The following CSMD3 variants were observed in gnomAD, a reference collection of about 807,000 sequenced individuals.
CSMD3 encodes the protein CUB and Sushi multiple domains 3.
In CSMD3, 177 loss-of-function variants were observed where a neutral mutation model predicts 435.2. The ratio of observed to expected loss-of-function variants is 0.41; its 90% CI spans 0.36 to 0.46. The LOEUF (loss-of-function observed/expected upper bound fraction) is 0.46, where lower values mean the gene tolerates loss of function less well. CSMD3 is among the 20% of genes least tolerant of loss of function. The probability of loss-of-function intolerance (pLI) is 0.34; values close to 1 mark genes in which losing one functional copy is unlikely to be tolerated. For synonymous variants in CSMD3, 1,656 were observed against 1,520.5 expected (o/e 1.09, Z -2.07); for missense variants, 4,265 against 4,504.6 (o/e 0.95, Z 1.52).
intron 1 of CSMD3, among the ~76,000 whole-genome samples, chr8:113,372,401 G>T (rs2094351324): frequency 6.6e-6 from 1 of 152,072 alleles, no homozygotes; most frequent in African/African-American, 2.4e-5. Flanking sequence ...AATATTTTGG[G>T]CTTTGATTTC....
intron 45 of CSMD3, among the ~76,000 whole-genome samples, chr8:112,334,607 G>A (rs942595958): frequency 6.6e-6 from 1 of 152,054 alleles, no homozygotes; most frequent in Non-Finnish European, 1.5e-5. Context: ...ATAAAAGGAT[G>A]TAATCATTAT....
intron 13 of CSMD3, among the ~76,000 whole-genome samples, chr8:112,699,295 G>A (rs376121087): frequency 6.7e-4 from 102 of 152,146 alleles, no homozygotes; most frequent in African/African-American, 2.1e-3. Flanking sequence ...AAGAAACTCC[G>A]GACACGTCTG....
intron 10 of CSMD3, among the ~76,000 whole-genome samples, chr8:112,908,870 T>G (rs1247198853): frequency 6.6e-6 from 1 of 151,668 alleles, no homozygotes; most frequent in East Asian, 2.0e-4. Flanking sequence ...AAAAATAACC[T>G]GTGTCCTCCT....
At chr8:112,322,948 T>C in intron 45 of CSMD3, among the ~76,000 whole-genome samples, 1 of 152,044 alleles carries the variant, frequency 6.6e-6, no homozygotes, top group East Asian at 1.9e-4. Flanking sequence ...GAATGTAGGT[T>C]TCTTCAAGAG....
At chr8:112,658,748 A>C (rs1433770490) in intron 17 of CSMD3, among the ~76,000 whole-genome samples, 2 of 152,240 alleles carry the variant, frequency 1.3e-5, no homozygotes, top group African/African-American at 4.8e-5. Context: ...ACCTGAAGTC[A>C]GAAGTTTGAG....
chr8:112,771,353 A>G (rs1158175334), intron 13 of CSMD3, among the ~76,000 whole-genome samples: 1 of 152,028 alleles, frequency 6.6e-6, no homozygotes, highest in Non-Finnish European at 1.5e-5. Context: ...AGCCTGGCCA[A>G]TGTGGCAAAA....
chr8:112,978,755 T>G (rs1418490440), intron 6 of CSMD3, among the ~76,000 whole-genome samples: 1 of 151,954 alleles, frequency 6.6e-6, no homozygotes, highest in Non-Finnish European at 1.5e-5. Context: ...TGTGTTCATA[T>G]TCTTTCCACA....
At chr8:112,958,190 G>C (rs1250122846) in intron 7 of CSMD3, among the ~76,000 whole-genome samples, 2 of 152,116 alleles carry the variant, frequency 1.3e-5, no homozygotes, top group African/African-American at 2.4e-5. Flanking sequence ...ATCTCAAGAT[G>C]AAATACAGAA....
In CSMD3 at chr8:112,302,021, T is replaced by C. The variant is rs1398291589; in HGVS notation, c.8267-55A>G. 4 of 1,216,684 alleles carry C rather than the reference T, an allele frequency of 3.3e-6. No homozygotes were observed. The Admixed American group carries it at 5.5e-5, about 17-fold the overall frequency. The allele number at this position is 1,216,684 out of a possible 1,614,324, so 75.4% of individuals were successfully genotyped here. ...TAAAGATATAGTCAAGCTGCACTTG[T>C]AACAAAACTGTGCTTTGAACATTTT... On this transcript the variant is annotated intron_variant, in intron 52 of 70. Transcript: ENST00000297405.
intron 31 of CSMD3, among the ~76,000 whole-genome samples, chr8:112,485,020 C>T (rs2130814851): frequency 6.6e-6 from 1 of 152,238 alleles, no homozygotes; most frequent in South Asian, 2.1e-4. Flanking sequence ...GCTCCAGAAT[C>T]CATAGCAGCA....
intron 12 of CSMD3, among the ~76,000 whole-genome samples, chr8:112,803,607 GA>G (rs139420637): frequency 0.011 from 1,646 of 151,506 alleles, 33 homozygotes; most frequent in African/African-American, 0.038. Flanking sequence ...TTGCTATTTG[GA>G]AAAAAAATAG....
chr8:112,632,419 CAGA>C (rs1286993284), intron 22 of CSMD3, among the ~76,000 whole-genome samples: 3 of 151,984 alleles, frequency 2.0e-5, no homozygotes, highest in East Asian at 1.9e-4. Context: ...AAATTAGAAA[CAGA>C]AGAAGATGTA....
At chr8:113,322,048 T>C (rs1219612560) in intron 1 of CSMD3, among the ~76,000 whole-genome samples, 2 of 152,102 alleles carry the variant, frequency 1.3e-5, no homozygotes, top group African/African-American at 4.8e-5. Context: ...TTAATGTACA[T>C]ACATGAAAAA....
chr8:112,410,676 G>GTA (rs369954404), intron 32 of CSMD3, among the ~76,000 whole-genome samples: 4,850 of 43,754 alleles, frequency 0.11, 624 homozygotes, highest in Middle Eastern at 0.18. Flanking sequence ...ATATATATGT[G>GTA]TATATATATA....
intron 4 of CSMD3, among the ~76,000 whole-genome samples, chr8:113,120,439 AATAC>A (rs2090954888): frequency 6.6e-6 from 1 of 152,126 alleles, no homozygotes; most frequent in Non-Finnish European, 1.5e-5. Flanking sequence ...TGCATACTTA[AATAC>A]ATACATAAAT....
Position 113,343,196 on chromosome 8 carries a change from T to C in CSMD3, c.179-28403A>G, listed in dbSNP as rs924750940. The stretch of plus-strand genomic sequence containing the variant: ...ACTCTAAAGTAGCTACTTTTAAAGC[T>C]ATTTAAGAGTTTTATCCATTTAAAA... On this transcript the variant is annotated intron_variant, in intron 1 of 70. Transcript: ENST00000297405. 4.6e-5 allele frequency among the ~76,000 whole-genome samples: 7 copies of C among 151,976 alleles called. No individual in the cohort carries two copies. In the East Asian group the frequency reaches 1.4e-3, roughly 30 times the overall value.
At chr8:113,382,422 T>A (rs2094420105) in intron 1 of CSMD3, among the ~76,000 whole-genome samples, 1 of 152,190 alleles carries the variant, frequency 6.6e-6, no homozygotes, top group Non-Finnish European at 1.5e-5. Context: ...TTAGTAGTTA[T>A]CCATTTTAGT....
chr8:113,195,763 C>T (rs1401242398), intron 3 of CSMD3, among the ~76,000 whole-genome samples: 1 of 140,968 alleles, frequency 7.1e-6, no homozygotes, highest in Non-Finnish European at 1.5e-5. Context: ...TACTTGGATA[C>T]ATATATATAA....
At chr8:112,270,349 T>TGTGTGTGTGA (rs1817360625) in intron 59 of CSMD3, among the ~76,000 whole-genome samples, 9 of 42,544 alleles carry the variant, frequency 2.1e-4, no homozygotes, top group Admixed American at 1.1e-3. Flanking sequence ...GGTGAGTGTG[T>TGTGTGTGTGA]GTGTGTGTGT....
Sources: gnomAD v4.1 joint callset for allele counts (sites outside exome capture counted in the v4.1 genomes callset) on GRCh38, gnomAD v4.1.1 for gene constraint, MANE v1.5 for transcripts, NCBI Gene and HGNC (gene_info 2026-07-23, HGNC 2026-07-21) for gene names.